Variants in NFYC observed in about 807,000 individuals in gnomAD.
NFYC encodes CAAT box DNA-binding protein subunit C.
In NFYC, 25 loss-of-function variants were observed where a neutral mutation model predicts 53.1. That is an observed-to-expected ratio of 0.47 (90% CI 0.34 to 0.66). The LOEUF is 0.66. Ranked by LOEUF, NFYC falls within the 30% of genes least tolerant of loss-of-function variation. NFYC has a pLI of 0.01. For missense variants in NFYC, 260 were observed against 422.7 expected, an observed-to-expected ratio of 0.62 and a Z score of 3.38; for synonymous variants, 145 against 152.6, an observed-to-expected ratio of 0.95 and a Z score of 0.37.
At chr1:40,761,879 T>TG in intron 6 of NFYC, among the ~76,000 whole-genome samples, 1 of 152,284 alleles carries the variant, frequency 6.6e-6, no homozygotes, top group Admixed American at 6.5e-5. Context: ...AGTCAGGGAT[T>TG]GGGTGTACAG....
Position 40,762,932 on chromosome 1 carries a change from GA to G in NFYC, c.607del (p.Ile203LeufsTer23). 1 of 1,610,850 alleles carries G rather than the reference GA, an allele frequency of 6.2e-7. No homozygotes were observed. Among genetic ancestry groups the G allele is most frequent in the Non-Finnish European group, 8.5e-7 (1 of 1,178,308 alleles). ...AGGTTGGAGAAGGTCAGCAGGTGCA[GA>G]TTGTCCAGGCTCAGCCACAGGGTCA... The part of the protein sequence containing the change: ...MQVGEGQQVQ[I>X]VQAQPQGQAQ... On this transcript the variant is annotated frameshift_variant, in exon 7 of 10. Coordinates refer to ENST00000447388, the MANE Select transcript of NFYC (RefSeq NM_014223.5). LOFTEE classifies it high-confidence loss of function.
intron 6 of NFYC, among the ~76,000 whole-genome samples, chr1:40,760,356 C>T (rs932556443): frequency 2.0e-5 from 3 of 152,124 alleles, no homozygotes; most frequent in African/African-American, 7.2e-5. Flanking sequence ...CGCATGGGCC[C>T]GGGAGTTGGA....
intron 7 of NFYC, chr1:40,766,015 T>A (rs1232241568): frequency 6.6e-6 from 1 of 152,262 alleles, no homozygotes; most frequent in Non-Finnish European, 1.5e-5. Context: ...CAGAAGCTAG[T>A]GCTGAACACC....
At chr1:40,764,638 C>T (rs1428372907) in intron 7 of NFYC, among the ~76,000 whole-genome samples, 2 of 152,230 alleles carry the variant, frequency 1.3e-5, no homozygotes, top group African/African-American at 2.4e-5. Flanking sequence ...TCTTCACTGG[C>T]TCAGGCACCT....
chr1:40,758,078 GT>G (rs1222831541), intron 5 of NFYC, 42 bp from the exon 6 acceptor site: 1 of 1,608,264 alleles, frequency 6.2e-7, no homozygotes. Context: ...CGGCTGCTGA[GT>G]TGGTTCTTTT....
chr1:40,747,427 G>A (rs904002245), intron 2 of NFYC, 107 bp from the exon 3 acceptor site: 37 of 703,806 alleles, frequency 5.3e-5, no homozygotes, highest in Admixed American at 2.7e-4. Flanking sequence ...CCCGACATAC[G>A]CTTCCTGAAG....
Position 40,771,278 on chromosome 1 carries a change from C to T in NFYC, c.*450C>T. 3 of 338,098 alleles carry T rather than the reference C, an allele frequency of 8.9e-6. No individual in the cohort carries two copies. The highest frequency in any genetic ancestry group is 7.3e-5 in the South Asian group (3 of 40,870). 20.9% of individuals were successfully genotyped at this position (338,098 alleles called of 1,614,324 possible). A position where few individuals can be genotyped will look rare whatever the true frequency, so the allele number is the denominator to read the frequency against. On this transcript the variant is annotated 3_prime_UTR_variant, in exon 10 of 10. Coordinates refer to ENST00000447388, the MANE Select transcript of NFYC (RefSeq NM_014223.5). ...TACCCCCAAGACTTGCCACGTTGTT[C>T]TGCCCTCAGATGGAATTAGGTGAAT...
At chr1:40,720,411 T>C (rs991670114) in intron 1 of NFYC, among the ~76,000 whole-genome samples, 2 of 152,196 alleles carry the variant, frequency 1.3e-5, no homozygotes, top group African/African-American at 4.8e-5. Flanking sequence ...ATTGTCTACA[T>C]TTTCCAAAGT....
chr1:40,716,162 T>G (rs1308489508), intron 1 of NFYC, among the ~76,000 whole-genome samples: 5 of 152,246 alleles, frequency 3.3e-5, no homozygotes. Context: ...GTGGAGACTT[T>G]AAAAATGTAT....
intron 1 of NFYC, among the ~76,000 whole-genome samples, chr1:40,695,911 A>G (rs1189575700): frequency 1.3e-5 from 2 of 152,188 alleles, no homozygotes; most frequent in East Asian, 3.8e-4. Flanking sequence ...ACTATGAGGT[A>G]GATAATATAG....
chr1:40,738,709 TA>T (rs1438032207), intron 1 of NFYC, 126 bp from the exon 2 acceptor site: 4 of 668,198 alleles, frequency 6.0e-6, no homozygotes, highest in Non-Finnish European at 1.0e-5. Flanking sequence ...AGCGTAATTA[TA>T]TACCTTATCA....
intron 1 of NFYC, among the ~76,000 whole-genome samples, chr1:40,731,958 G>A (rs987683548): frequency 1.3e-5 from 2 of 152,164 alleles, no homozygotes; most frequent in African/African-American, 4.8e-5. Flanking sequence ...GGTAAAATTG[G>A]TTTTGTTATA....
chr1:40,714,860 C>G (rs987079266), intron 1 of NFYC, among the ~76,000 whole-genome samples: 6 of 152,042 alleles, frequency 3.9e-5, no homozygotes, highest in Non-Finnish European at 7.3e-5. Context: ...GCAGGCAGAT[C>G]ACGAGGTCAG....
At chr1:40,737,439 C>G (rs900195996) in intron 1 of NFYC, among the ~76,000 whole-genome samples, 1 of 151,708 alleles carries the variant, frequency 6.6e-6, no homozygotes, top group Non-Finnish European at 1.5e-5. Context: ...AGCGATTCTC[C>G]TGCCTCAGCC....
At chr1:40,756,272 A>G (rs1646214784) in intron 5 of NFYC, among the ~76,000 whole-genome samples, 1 of 152,242 alleles carries the variant, frequency 6.6e-6, no homozygotes, top group African/African-American at 2.4e-5. Flanking sequence ...TTTATTTATA[A>G]TGATGATAAG....
intron 1 of NFYC, among the ~76,000 whole-genome samples, chr1:40,703,480 TAAAAAA>T (rs57102599): frequency 1.0e-5 from 1 of 97,738 alleles, no homozygotes; most frequent in African/African-American, 4.5e-5. Context: ...CAATTAGCCC[TAAAAAA>T]AAAAAAAAGA....
intron 1 of NFYC, among the ~76,000 whole-genome samples, chr1:40,715,065 TCG>T (rs1644077909): frequency 7.6e-6 from 1 of 132,026 alleles, no homozygotes; most frequent in Non-Finnish European, 1.6e-5. Flanking sequence ...GTGCAACAAA[TCG>T]AGACTCCATG....
At chr1:40,721,262 C>T (rs1331487723) in intron 1 of NFYC, among the ~76,000 whole-genome samples, 1 of 152,142 alleles carries the variant, frequency 6.6e-6, no homozygotes, top group Admixed American at 6.5e-5. Flanking sequence ...TGCAGAAGAG[C>T]CTTAAACATT....
chr1:40,747,294 C>G (rs999906953), intron 2 of NFYC, among the ~76,000 whole-genome samples: 2 of 147,758 alleles, frequency 1.4e-5, no homozygotes, highest in African/African-American at 5.1e-5. Context: ...CATGAGAGCA[C>G]TGTTAGAGGC....
Sources: allele counts gnomAD v4.1 joint callset (sites outside exome capture counted in the v4.1 genomes callset), GRCh38; gene constraint gnomAD v4.1.1; transcripts MANE v1.5; gene names NCBI Gene and HGNC (gene_info 2026-07-23, HGNC 2026-07-21).